Variants in SDK1 observed in about 807,000 individuals in gnomAD.
The protein encoded by SDK1 is protein sidekick-1.
Under a neutral mutation model 245.5 loss-of-function variants are expected in SDK1, and 157 were observed. The ratio of observed to expected loss-of-function variants is 0.64; its 90% confidence interval spans 0.56 to 0.73. SDK1 has a LOEUF of 0.73. SDK1 is among the 30% of genes least tolerant of loss of function. The probability of loss-of-function intolerance (pLI) is 0.00; values close to 1 mark genes in which losing one functional copy is unlikely to be tolerated. For synonymous variants in SDK1, 1,647 were observed against 1,278.5 expected (o/e 1.29, Z -6.15); for missense variants, 3,583 against 3,002.3 (o/e 1.19, Z -4.52).
At chr7:4,160,479 G>A (rs1235462727) in intron 31 of SDK1, among the ~76,000 whole-genome samples, 1 of 152,192 alleles carries the variant, frequency 6.6e-6, no homozygotes, top group Non-Finnish European at 1.5e-5. Context: ...TCCCTGGGAT[G>A]TGCAGTTTCT....
At chr7:3,333,622 C>CAT (rs1780124752) in intron 1 of SDK1, among the ~76,000 whole-genome samples, 1 of 152,114 alleles carries the variant, frequency 6.6e-6, no homozygotes. Flanking sequence ...CCCTACCATG[C>CAT]ATACCCCTAA....
intron 38 of SDK1, among the ~76,000 whole-genome samples, chr7:4,217,473 G>A (rs1320666464): frequency 6.8e-5 from 8 of 116,914 alleles, no homozygotes; most frequent in Non-Finnish European, 1.4e-4. Context: ...ACCACCCGGA[G>A]CACCAGGCCA....
chr7:3,533,956 T>A (rs894260398), intron 1 of SDK1, among the ~76,000 whole-genome samples: 1 of 152,236 alleles, frequency 6.6e-6, no homozygotes, highest in Non-Finnish European at 1.5e-5. Flanking sequence ...TTTTAAGGTG[T>A]ACAATACAGT....
intron 4 of SDK1, among the ~76,000 whole-genome samples, chr7:3,662,725 T>C (rs1783404849): frequency 6.6e-6 from 1 of 152,330 alleles, no homozygotes; most frequent in African/African-American, 2.4e-5. Context: ...ATACAAATTA[T>C]ATACAGGTTG....
intron 22 of SDK1, among the ~76,000 whole-genome samples, chr7:4,086,937 C>T (rs1290463125): frequency 6.6e-6 from 1 of 151,366 alleles, no homozygotes; most frequent in Admixed American, 6.6e-5. Context: ...GGCAAATGCA[C>T]ATGTAAACTT....
At chr7:3,729,997 T>C (rs570383375) in intron 4 of SDK1, among the ~76,000 whole-genome samples, 1 of 152,092 alleles carries the variant, frequency 6.6e-6, no homozygotes, top group African/African-American at 2.4e-5. Flanking sequence ...GTAGTACATA[T>C]ATATGTATAT....
chr7:3,779,729 G>A (rs572513188), intron 4 of SDK1, among the ~76,000 whole-genome samples: 2 of 151,804 alleles, frequency 1.3e-5, no homozygotes, highest in East Asian at 2.0e-4. Context: ...TCAGGAGATC[G>A]AGACCATCCT....
intron 14 of SDK1, among the ~76,000 whole-genome samples, chr7:4,009,880 G>A (rs1785799355): frequency 6.6e-6 from 1 of 152,358 alleles, no homozygotes; most frequent in Non-Finnish European, 1.5e-5. Flanking sequence ...TTTCCAATGA[G>A]CTCGCAGGCG....
At chr7:3,447,697 ATCT>A (rs1780384399) in intron 1 of SDK1, among the ~76,000 whole-genome samples, 1 of 124,632 alleles carries the variant, frequency 8.0e-6, no homozygotes, top group African/African-American at 3.1e-5. Flanking sequence ...TAGCTTATAT[ATCT>A]TTTTTTTTTT....
At chr7:4,207,614 G>A (rs17305452) in intron 36 of SDK1, among the ~76,000 whole-genome samples, 20,762 of 152,020 alleles carry the variant, frequency 0.14, 1,618 homozygotes, top group Non-Finnish European at 0.17. Flanking sequence ...ATAAAATGTG[G>A]GAACACATCG....
chr7:3,563,746 G>C (rs537428415), intron 1 of SDK1, among the ~76,000 whole-genome samples: 1 of 152,106 alleles, frequency 6.6e-6, no homozygotes, highest in East Asian at 1.9e-4. Context: ...GAGACAATGT[G>C]TATTTTTTAA....
chr7:3,864,503 T>C (rs968340460), intron 5 of SDK1, among the ~76,000 whole-genome samples: 4 of 152,190 alleles, frequency 2.6e-5, no homozygotes, highest in Non-Finnish European at 4.4e-5. Context: ...ATTGTCTTTA[T>C]AACTAATACA....
intron 1 of SDK1, among the ~76,000 whole-genome samples, chr7:3,553,775 C>G (rs945458766): frequency 6.6e-6 from 1 of 152,088 alleles, no homozygotes; most frequent in African/African-American, 2.4e-5. Context: ...CTTCTTCTGC[C>G]CAGAGAGGAA....
At chr7:3,552,182 C>T (rs10246698) in intron 1 of SDK1, among the ~76,000 whole-genome samples, 2 of 151,740 alleles carry the variant, frequency 1.3e-5, no homozygotes, top group African/African-American at 2.4e-5. Flanking sequence ...GGACTACAGG[C>T]GCCCACCACC....
At chr7:3,538,043 T>C (rs1778938967) in intron 1 of SDK1, among the ~76,000 whole-genome samples, 1 of 152,128 alleles carries the variant, frequency 6.6e-6, no homozygotes, top group Non-Finnish European at 1.5e-5. Flanking sequence ...GTGGAGTCTT[T>C]CTTATTTTGG....
chr7:3,716,004 A>G (rs1785191238), intron 4 of SDK1, among the ~76,000 whole-genome samples: 1 of 152,144 alleles, frequency 6.6e-6, no homozygotes, highest in South Asian at 2.1e-4. Context: ...CAGAATTAAA[A>G]ACTAGCAGGA....
intron 22 of SDK1, among the ~76,000 whole-genome samples, chr7:4,105,631 T>A (rs1047111453): frequency 6.6e-6 from 1 of 152,158 alleles, no homozygotes; most frequent in Non-Finnish European, 1.5e-5. Flanking sequence ...AAATGAATGC[T>A]TTGACAGTGA....
chr7:3,872,903 C>T (rs1780991762), intron 5 of SDK1, among the ~76,000 whole-genome samples: 1 of 152,058 alleles, frequency 6.6e-6, no homozygotes, highest in South Asian at 2.1e-4. Flanking sequence ...CTATTATTGT[C>T]ATACATTTTA....
In SDK1 at chr7:3,965,989, G is replaced by T. The variant is rs1469104350; in HGVS notation, c.1430-1329G>T. On this transcript the variant is annotated intron_variant, in intron 9 of 44. Transcript: ENST00000404826. ...GCCATGACGGGCTGGAGGGTGGAGG[G>T]ATAGGCAGGGGCAGAGGCCGAGAAC... Among the ~76,000 whole-genome samples the T allele has an allele frequency of 2.0e-5, 3 of 152,004 alleles. No individual in the cohort carries two copies. The East Asian group carries it at 5.8e-4, about 30-fold the overall frequency.
Sources: gnomAD v4.1 joint callset for allele counts (sites outside exome capture counted in the v4.1 genomes callset) on GRCh38, gnomAD v4.1.1 for gene constraint, MANE v1.5 for transcripts, NCBI Gene and HGNC (gene_info 2026-07-23, HGNC 2026-07-21) for gene names.